Variants in SETD7 observed in about 807,000 individuals in gnomAD.
The protein encoded by SETD7 is histone-lysine N-methyltransferase SETD7.
A neutral mutation model predicts 41.8 loss-of-function variants in SETD7; 16 were observed. The ratio of observed to expected loss-of-function variants is 0.38; its 90% CI spans 0.26 to 0.58. The LOEUF is 0.58. SETD7 is among the 20% of genes least tolerant of loss of function. The probability of loss-of-function intolerance (pLI) is 0.64; values close to 1 mark genes in which losing one functional copy is unlikely to be tolerated. For synonymous variants in SETD7, 163 were observed against 169.7 expected, an observed-to-expected ratio of 0.96 and a Z score of 0.31; for missense variants, 346 against 459.7, an observed-to-expected ratio of 0.75 and a Z score of 2.26.
intron 1 of SETD7, chr4:139,548,034 C>T (rs2111173921): frequency 6.6e-6 from 1 of 152,264 alleles, no homozygotes; most frequent in South Asian, 2.1e-4. Flanking sequence ...TGGTGTCTTC[C>T]CAATCATTCT....
At chr4:139,516,206 C>T (rs1727020200) in intron 7 of SETD7, among the ~76,000 whole-genome samples, 1 of 152,072 alleles carries the variant, frequency 6.6e-6, no homozygotes, top group Non-Finnish European at 1.5e-5. Flanking sequence ...TGGCTCACAC[C>T]TGTAATCCTA....
intron 1 of SETD7, among the ~76,000 whole-genome samples, chr4:139,547,701 C>T (rs1728002410): frequency 6.6e-6 from 1 of 152,166 alleles, no homozygotes; most frequent in Non-Finnish European, 1.5e-5. Flanking sequence ...AACCCAGAGT[C>T]CTTCTCACCT....
intron 7 of SETD7, among the ~76,000 whole-genome samples, chr4:139,516,845 G>A (rs758854897): frequency 6.6e-6 from 1 of 151,918 alleles, no homozygotes; most frequent in Non-Finnish European, 1.5e-5. Context: ...TAGAACACCC[G>A]CCTTAGAACA....
chr4:139,505,780 A>G (rs1726688838), downstream of SETD7, among the ~76,000 whole-genome samples: 1 of 152,130 alleles, frequency 6.6e-6, no homozygotes, highest in South Asian at 2.1e-4. Flanking sequence ...TTTGCATTCC[A>G]TACCCTTACC....
chr4:139,512,396 A>G (rs1726904407), intron 7 of SETD7, among the ~76,000 whole-genome samples: 1 of 152,258 alleles, frequency 6.6e-6, no homozygotes, highest in Non-Finnish European at 1.5e-5. Flanking sequence ...GCATGAAAGT[A>G]GATGAAGATT....
chr4:139,493,758 T>A (rs1301160146), downstream of SETD7, among the ~76,000 whole-genome samples: 1 of 152,180 alleles, frequency 6.6e-6, no homozygotes, highest in African/African-American at 2.4e-5. Context: ...CAGGCTGGTC[T>A]CGAACTCCTG....
intron 7 of SETD7, among the ~76,000 whole-genome samples, chr4:139,500,564 C>T (rs1339789862): frequency 6.6e-6 from 1 of 152,096 alleles, no homozygotes; most frequent in Admixed American, 6.6e-5. Flanking sequence ...GCTGGAGTGC[C>T]GTGGTGCCAC....
chr4:139,543,998 G>C (rs2111168104), intron 2 of SETD7, among the ~76,000 whole-genome samples: 1 of 134,438 alleles, frequency 7.4e-6, no homozygotes, highest in South Asian at 2.4e-4. Flanking sequence ...AAAAATTAGT[G>C]AATTGGTTAG....
chr4:139,544,749 C>T (rs1042213396), intron 2 of SETD7, among the ~76,000 whole-genome samples: 1 of 151,270 alleles, frequency 6.6e-6, no homozygotes, highest in Admixed American at 6.6e-5. Context: ...GACTGTTTTC[C>T]CAGAGTCAAT....
At chr4:139,512,925 T>C (rs1726922450) in intron 7 of SETD7, among the ~76,000 whole-genome samples, 1 of 151,706 alleles carries the variant, frequency 6.6e-6, no homozygotes, top group Admixed American at 6.6e-5. Flanking sequence ...GGCCAGAAGA[T>C]TTTTTGTATT....
chr4:139,544,690 C>A (rs930095218), intron 2 of SETD7, among the ~76,000 whole-genome samples: 11 of 152,088 alleles, frequency 7.2e-5, no homozygotes, highest in African/African-American at 2.4e-4. Flanking sequence ...TGTGTATCAG[C>A]CCCATAAAGC....
chr4:139,547,493 T>C (rs534568523), intron 1 of SETD7, among the ~76,000 whole-genome samples: 1 of 152,230 alleles, frequency 6.6e-6, no homozygotes, highest in Non-Finnish European at 1.5e-5. Flanking sequence ...AATTGCCACA[T>C]ACACAGTCTT....
intron 1 of SETD7, among the ~76,000 whole-genome samples, chr4:139,552,471 C>G (rs1328552697): frequency 6.6e-6 from 1 of 152,160 alleles, no homozygotes; most frequent in Non-Finnish European, 1.5e-5. Flanking sequence ...GCTGTGTCAG[C>G]CCCTCTGACT....
intron 6 of SETD7, among the ~76,000 whole-genome samples, chr4:139,519,237 G>A (rs1286676578): frequency 6.6e-6 from 1 of 152,214 alleles, no homozygotes; most frequent in Non-Finnish European, 1.5e-5. Flanking sequence ...ATTAGGGCAA[G>A]AAGGGTGTCA....
intron 4 of SETD7, among the ~76,000 whole-genome samples, chr4:139,525,084 G>A (rs185707930): frequency 2.0e-5 from 3 of 152,220 alleles, no homozygotes; most frequent in Non-Finnish European, 2.9e-5. Flanking sequence ...CCCAAAGTGC[G>A]GGTATTACAG....
rs910083761 is a variant in SETD7 at position 139,508,418 on chromosome 4, C to T, written c.*3245G>A. 5.3e-5 allele frequency: 8 copies of T among 152,192 alleles called. No homozygotes were observed. Among genetic ancestry groups the T allele is most frequent in the African/African-American group, 1.7e-4 (7 of 41,462 alleles). The allele number at this position is 152,192 out of a possible 1,614,324, so 9.4% of individuals were successfully genotyped here. A position where few individuals can be genotyped will look rare whatever the true frequency, so the allele number is the denominator to read the frequency against. On this transcript the variant is annotated 3_prime_UTR_variant, in exon 8 of 8. Transcript: ENST00000274031. ...TTTTGATCCCATCATTCCTTTGTGT[C>T]GGAAATTCAGTCTTTCCAGTTGTTT...
At chr4:139,524,873 A>G (rs1268421919) in intron 4 of SETD7, among the ~76,000 whole-genome samples, 1 of 152,078 alleles carries the variant, frequency 6.6e-6, no homozygotes, top group Non-Finnish European at 1.5e-5. Flanking sequence ...CTGGAGAGCA[A>G]TGGCGTGATC....
chr4:139,541,090 T>C (rs1343091745), intron 2 of SETD7, among the ~76,000 whole-genome samples: 1 of 151,746 alleles, frequency 6.6e-6, no homozygotes, highest in East Asian at 1.9e-4. Flanking sequence ...AGCCGTGGAG[T>C]AGTAAATCCT....
intron 7 of SETD7, among the ~76,000 whole-genome samples, chr4:139,516,963 T>C (rs1185205993): frequency 6.6e-6 from 1 of 152,224 alleles, no homozygotes; most frequent in Non-Finnish European, 1.5e-5. Context: ...TTTCTATCTC[T>C]GTGGATTTCC....
Sources: allele counts gnomAD v4.1 joint callset (sites outside exome capture counted in the v4.1 genomes callset), GRCh38; gene constraint gnomAD v4.1.1; transcripts MANE v1.5; gene names NCBI Gene and HGNC (gene_info 2026-07-23, HGNC 2026-07-21).